Variants in RECK observed in about 807,000 individuals in gnomAD.
The protein encoded by RECK is reversion inducing cysteine rich protein with kazal motifs.
A neutral mutation model predicts 115.1 loss-of-function variants in RECK; 69 were observed. That is an observed-to-expected ratio of 0.60 (90% CI 0.49 to 0.73). The LOEUF is 0.73. Ranked by LOEUF, RECK falls within the 30% of genes least tolerant of loss-of-function variation. RECK has a pLI of 0.00. For missense variants in RECK, 1,047 were observed against 1,203.7 expected (o/e 0.87, Z 1.93); for synonymous variants, 414 against 419.7 (o/e 0.99, Z 0.17).
chr9:36,055,131 A>C (rs1460283482), intron 2 of RECK, among the ~76,000 whole-genome samples: 1 of 152,128 alleles, frequency 6.6e-6, no homozygotes, highest in Non-Finnish European at 1.5e-5. Flanking sequence ...CTCTGAGATG[A>C]TTTGTATAAT....
At chr9:36,085,133 T>C in intron 8 of RECK, 1 of 177,756 alleles carries the variant, frequency 5.6e-6, no homozygotes, top group Non-Finnish European at 1.3e-5. Context: ...TGATATATTT[T>C]TAGTTTATAC....
Position 36,066,469 on chromosome 9 carries a change from A to AT in RECK, c.405+853dup, listed in dbSNP as rs897456376. Among the ~76,000 whole-genome samples, 6 of 151,698 alleles carry AT rather than the reference A, an allele frequency of 4.0e-5. No homozygotes were observed. In the South Asian group the frequency reaches 6.3e-4, roughly 16 times the overall value. On this transcript the variant is annotated intron_variant, in intron 6 of 20. Transcript: ENST00000377966. Reference sequence around the variant, plus strand: ...TAACTACTTCTAGGTTATAGTTTTTATTTTTTTTCTTTTCTCAAAGCCTGT... The same window carrying AT: ...TAACTACTTCTAGGTTATAGTTTTTATTTTTTTTTCTTTTCTCAAAGCCTGT...
At position 36,087,765 on chromosome 9, in the gene RECK, A is replaced by G; in HGVS notation, c.709A>G (p.Lys237Glu). The change falls in exon 9 of 21, where the codon AAA (lysine) becomes GAA (glutamate). Residue 237 changes from lysine to glutamate, a missense_variant. Physicochemically the swap from Lys to Glu is moderately conservative, Grantham distance 56 (BLOSUM62 1). Transcript: ENST00000377966. ...NACKRILMSK[K>E]TEMEIVDGLI... The stretch of plus-strand genomic sequence containing the variant: ...CTGCAAGAGAATCCTGATGTCCAAG[A>G]AAACGGAAATGGAGATTGTTGATGG... 1 of 1,614,068 alleles carries G rather than the reference A, an allele frequency of 6.2e-7. No homozygotes were observed. Among genetic ancestry groups the G allele is most frequent in the Non-Finnish European group, 8.5e-7 (1 of 1,179,920 alleles).
chr9:36,046,223 T>C (rs770253911), intron 1 of RECK, among the ~76,000 whole-genome samples: 12 of 152,332 alleles, frequency 7.9e-5, no homozygotes, highest in Admixed American at 2.0e-4. Context: ...TCTTCTCTTA[T>C]AGAAAGCATT....
At chr9:36,121,800 G>A in intron 20 of RECK, 112 bp downstream of exon 20, 1 of 1,157,784 alleles carries the variant, frequency 8.6e-7, no homozygotes, top group South Asian at 1.5e-5. Flanking sequence ...AGGGAGTGGA[G>A]GCATTTGGGA....
At chr9:36,060,037 G>T (rs1821693847) in intron 3 of RECK, 82 bp from the exon 4 acceptor site, 1 of 1,298,896 alleles carries the variant, frequency 7.7e-7, no homozygotes, top group African/African-American at 1.5e-5. Flanking sequence ...CAAATTAGCT[G>T]TTCATAATTT....
chr9:36,076,923 C>G (rs190106913), intron 6 of RECK, among the ~76,000 whole-genome samples: 1 of 152,300 alleles, frequency 6.6e-6, no homozygotes, highest in Admixed American at 6.5e-5. Flanking sequence ...TGGAAGAGCA[C>G]TGGCAGGGCA....
chr9:36,104,883 T>C (rs1823740156), intron 12 of RECK, among the ~76,000 whole-genome samples: 1 of 152,178 alleles, frequency 6.6e-6, no homozygotes, highest in Non-Finnish European at 1.5e-5. Flanking sequence ...ATTTTGTTCA[T>C]CACTGTATCT....
intron 1 of RECK, among the ~76,000 whole-genome samples, chr9:36,038,420 C>T (rs1458086449): frequency 6.6e-6 from 1 of 152,156 alleles, no homozygotes; most frequent in Non-Finnish European, 1.5e-5. Flanking sequence ...GATTACTTTC[C>T]TGGGCCCCAT....
At chr9:36,082,965 C>A (rs1485737629) in intron 7 of RECK, among the ~76,000 whole-genome samples, 2 of 152,140 alleles carry the variant, frequency 1.3e-5, no homozygotes, top group African/African-American at 2.4e-5. Flanking sequence ...CACAGAAAGA[C>A]ACTGCTTCAC....
At position 36,065,189 on chromosome 9, in the gene RECK, G is replaced by T. The variant is rs1821938188; in HGVS notation, c.358-388G>T. Among the ~76,000 whole-genome samples, 6 of 110,736 alleles carry T rather than the reference G, an allele frequency of 5.4e-5. No individual in the cohort carries two copies. The South Asian group carries it at 1.2e-3, about 22-fold the overall frequency. 72.6% of individuals were successfully genotyped at this position (110,736 alleles called of 152,430 possible). A position where few individuals can be genotyped will look rare whatever the true frequency, so the allele number is the denominator to read the frequency against. On this transcript the variant is annotated intron_variant, in intron 5 of 20. Transcript: ENST00000377966. ...AAAGCAAAATGTAAATGCCCTGGCA[G>T]AGCTTCACAAGAAAATTTGCTACAG...
chr9:36,104,447 G>T (rs1823719020), intron 12 of RECK, among the ~76,000 whole-genome samples: 1 of 138,990 alleles, frequency 7.2e-6, no homozygotes, highest in African/African-American at 2.7e-5. Context: ...CCAGGTTCAG[G>T]CCATTCTCCT....
intron 6 of RECK, chr9:36,072,595 A>G (rs1011961133): frequency 6.6e-6 from 1 of 152,218 alleles, no homozygotes; most frequent in African/African-American, 2.4e-5. Context: ...GGCAACTTCA[A>G]GAATTGCCAG....
intron 7 of RECK, among the ~76,000 whole-genome samples, chr9:36,081,467 T>G (rs1469125055): frequency 6.6e-6 from 1 of 152,170 alleles, no homozygotes; most frequent in Non-Finnish European, 1.5e-5. Context: ...TGTTCTTATA[T>G]GTCCTCACCA....
At chr9:36,090,373 A>T (rs907657545) in intron 9 of RECK, among the ~76,000 whole-genome samples, 6 of 152,298 alleles carry the variant, frequency 3.9e-5, no homozygotes, top group African/African-American at 1.4e-4. Context: ...GGTGGGGTGA[A>T]TGAACAAATG....
intron 18 of RECK, 53 bp downstream of exon 18, chr9:36,119,020 C>A: frequency 6.5e-7 from 1 of 1,535,240 alleles, no homozygotes; most frequent in Non-Finnish European, 9.0e-7. Context: ...ATTTGCTTAT[C>A]CACCTCCAGA....
At chr9:36,070,512 G>GA (rs528340091) in intron 6 of RECK, among the ~76,000 whole-genome samples, 3,836 of 140,372 alleles carry the variant, frequency 0.027, 79 homozygotes, top group African/African-American at 0.055. Context: ...CCATTCTTTT[G>GA]AAAAAAAAAA....
chr9:36,114,377 T>C (rs1824177984), intron 16 of RECK, among the ~76,000 whole-genome samples: 1 of 152,214 alleles, frequency 6.6e-6, no homozygotes, highest in African/African-American at 2.4e-5. Context: ...TTTCCATCTA[T>C]CAGACTGGCA....
chr9:36,060,198 C>CT, intron 4 of RECK, 43 bp downstream of exon 4: 1 of 1,579,426 alleles, frequency 6.3e-7, no homozygotes, highest in South Asian at 1.1e-5. Context: ...ATTTTAAAAA[C>CT]TTACTGTGTG....
Sources: gnomAD v4.1 joint callset for allele counts (sites outside exome capture counted in the v4.1 genomes callset) on GRCh38, gnomAD v4.1.1 for gene constraint, MANE v1.5 for transcripts, NCBI Gene and HGNC (gene_info 2026-07-23, HGNC 2026-07-21) for gene names.